The following RUNX1 variants were observed in gnomAD, a reference collection of about 807,000 sequenced individuals.
RUNX1 encodes the protein RUNX family transcription factor 1.
A neutral mutation model predicts 42.8 loss-of-function variants in RUNX1; 19 were observed. That is an observed-to-expected ratio of 0.44 (90% CI 0.31 to 0.65). The LOEUF (loss-of-function observed/expected upper bound fraction) is 0.65. Among genes scored for constraint, RUNX1 ranks in the 30% least tolerant of loss-of-function variants. RUNX1 has a pLI of 0.07. For synonymous variants in RUNX1, 271 were observed against 289.4 expected, an observed-to-expected ratio of 0.94 and a Z score of 0.64; for missense variants, 528 against 672.0, an observed-to-expected ratio of 0.79 and a Z score of 2.37.
chr21:34,975,935 T>C (rs537240244), intron 2 of RUNX1, among the ~76,000 whole-genome samples: 116 of 152,146 alleles, frequency 7.6e-4, no homozygotes, highest in African/African-American at 2.7e-3. Flanking sequence ...GAGACTAAAT[T>C]ATGGAAGGTC....
chr21:34,970,867 T>C (rs2058758975), intron 2 of RUNX1, among the ~76,000 whole-genome samples: 1 of 152,154 alleles, frequency 6.6e-6, no homozygotes, highest in African/African-American at 2.4e-5. Context: ...TTCCTGTACG[T>C]TCAAATTATT....
At chr21:35,009,895 T>C (rs549810312) in intron 2 of RUNX1, among the ~76,000 whole-genome samples, 2 of 152,338 alleles carry the variant, frequency 1.3e-5, no homozygotes, top group South Asian at 4.1e-4. Flanking sequence ...TTCTTATATG[T>C]AAAAGATGAG....
chr21:34,797,160 A>G (rs1341082541), intron 8 of RUNX1, among the ~76,000 whole-genome samples: 1 of 152,222 alleles, frequency 6.6e-6, no homozygotes, highest in Non-Finnish European at 1.5e-5. Flanking sequence ...GCAGTCTCCC[A>G]TACTGTTCTA....
chr21:34,801,200 C>G (rs1253350539), intron 7 of RUNX1, among the ~76,000 whole-genome samples: 1 of 151,944 alleles, frequency 6.6e-6, no homozygotes, highest in East Asian at 1.9e-4. Flanking sequence ...TACTCCAATA[C>G]TTTAATCATT....
At position 34,967,788 on chromosome 21, in the gene RUNX1, C is replaced by A. The variant is rs141551777; in HGVS notation, c.59-74825G>T. On this transcript the variant is annotated intron_variant, in intron 2 of 8. Transcript: ENST00000675419. ...AGAAGACTGACAAAACCACACTGAA[C>A]TCACTAGGGCAACTGCCTTTATTTC... 4.8e-3 allele frequency among the ~76,000 whole-genome samples: 725 copies of A among 152,298 alleles called. 5 individuals carry two copies. The highest frequency in any genetic ancestry group is 0.02 in the Middle Eastern group (6 of 294).
chr21:34,889,979 AGCT>A (rs1276607996), intron 3 of RUNX1: 9 of 476,412 alleles, frequency 1.9e-5, no homozygotes, highest in Non-Finnish European at 2.2e-5. Context: ...CCCTCAATTA[AGCT>A]CCCCGGCGCG....
intron 6 of RUNX1, among the ~76,000 whole-genome samples, chr21:34,841,480 G>A (rs1279418156): frequency 6.6e-6 from 1 of 152,114 alleles, no homozygotes; most frequent in East Asian, 1.9e-4. Context: ...CCCGAACCAT[G>A]GTCCTACAGT....
intron 2 of RUNX1, among the ~76,000 whole-genome samples, chr21:34,930,751 C>T (rs111483720): frequency 0.011 from 1,638 of 151,850 alleles, 27 homozygotes; most frequent in African/African-American, 0.033. Flanking sequence ...ACACTCCACC[C>T]AATTCCTTTC....
chr21:34,799,224 A>C (rs769750582), intron 8 of RUNX1, 77 bp downstream of exon 8: 23 of 1,488,190 alleles, frequency 1.5e-5, no homozygotes, highest in Non-Finnish European at 2.2e-5. Context: ...TGTTCTGCCA[A>C]CTCCTTCATG....
intron 2 of RUNX1, among the ~76,000 whole-genome samples, chr21:34,957,899 G>A (rs2058656128): frequency 6.6e-6 from 1 of 152,166 alleles, no homozygotes; most frequent in African/African-American, 2.4e-5. Flanking sequence ...TATGGGGCAG[G>A]ATGTCTGTCC....
chr21:34,842,820 G>C (rs56381260), intron 6 of RUNX1, among the ~76,000 whole-genome samples: 4,791 of 152,190 alleles, frequency 0.031, 93 homozygotes, highest in African/African-American at 0.055. Flanking sequence ...TGTAATCCCA[G>C]CACTTTGGGA....
At chr21:34,917,594 T>C (rs947087690) in intron 2 of RUNX1, among the ~76,000 whole-genome samples, 2 of 152,166 alleles carry the variant, frequency 1.3e-5, no homozygotes, top group African/African-American at 4.8e-5. Flanking sequence ...TCCCTTGATA[T>C]CTCTCTCATT....
intron 2 of RUNX1, among the ~76,000 whole-genome samples, chr21:34,930,870 T>C (rs1005578719): frequency 6.6e-6 from 1 of 152,166 alleles, no homozygotes; most frequent in Non-Finnish European, 1.5e-5. Flanking sequence ...CCTAGACTTT[T>C]TTTGAAGAAG....
At chr21:34,851,604 T>C (rs1424757730) in intron 6 of RUNX1, among the ~76,000 whole-genome samples, 1 of 152,172 alleles carries the variant, frequency 6.6e-6, no homozygotes, top group Admixed American at 6.5e-5. Context: ...TTTTTTCTTA[T>C]GGCATGTCAT....
intron 6 of RUNX1, among the ~76,000 whole-genome samples, chr21:34,854,472 C>G (rs1461201059): frequency 6.6e-6 from 1 of 151,854 alleles, no homozygotes; most frequent in South Asian, 2.1e-4. Context: ...ATAATCCCAA[C>G]TACTCAGGAG....
At chr21:35,036,248 G>T (rs1487313403) in intron 2 of RUNX1, among the ~76,000 whole-genome samples, 1 of 152,182 alleles carries the variant, frequency 6.6e-6, no homozygotes, top group African/African-American at 2.4e-5. Flanking sequence ...AGAAAAGCAG[G>T]TTCCTTTCCT....
chr21:35,031,408 C>G (rs984961888), intron 2 of RUNX1, among the ~76,000 whole-genome samples: 4 of 151,944 alleles, frequency 2.6e-5, no homozygotes, highest in African/African-American at 9.7e-5. Flanking sequence ...AAAGGGAGCT[C>G]TTGCACACTC....
At position 34,909,588 on chromosome 21, in the gene RUNX1, C is replaced by CAAAAAAAAAAAAAAAAAAAAAA. The variant is rs10584066; in HGVS notation, c.59-16626_59-16625insTTTTTTTTTTTTTTTTTTTTTT. Among the ~76,000 whole-genome samples the CAAAAAAAAAAAAAAAAAAAAAA allele has an allele frequency of 6.5e-4, 49 of 75,016 alleles. 7 individuals are homozygous for CAAAAAAAAAAAAAAAAAAAAAA. The highest frequency in any genetic ancestry group is 2.6e-3 in the African/African-American group (41 of 16,000). The allele number at this position is 75,016 out of a possible 152,430, so 49.2% of individuals were successfully genotyped here. ...TTATACAGACCAGGTCACTGTTCCTCAAAAAAAAAAAAAAAAAAAAGATGG... is the reference window on the plus strand; with the variant it reads ...TTATACAGACCAGGTCACTGTTCCTCAAAAAAAAAAAAAAAAAAAAAAAAAAAAAAAAAAAAAAAAAAGATGG... On this transcript the variant is annotated intron_variant, in intron 2 of 8. Coordinates refer to ENST00000675419, the MANE Select transcript of RUNX1 (RefSeq NM_001754.5).
chr21:34,789,431 A>C lies in RUNX1; in HGVS notation c.*2704T>G, dbSNP rs1380928079. 2 of 233,646 alleles carry C rather than the reference A, an allele frequency of 8.6e-6. No homozygotes were observed. The highest frequency in any genetic ancestry group is 1.7e-5 in the Non-Finnish European group (2 of 118,086). 14.5% of individuals were successfully genotyped at this position (233,646 alleles called of 1,614,324 possible). Reference sequence around the variant, plus strand: ...GAAATCATAAATAGGGACATGAGTAAGCAGTAGAAATGGCTTATTCAATAC... The same window carrying C: ...GAAATCATAAATAGGGACATGAGTACGCAGTAGAAATGGCTTATTCAATAC... On this transcript the variant is annotated 3_prime_UTR_variant, in exon 9 of 9. Coordinates refer to ENST00000675419, the MANE Select transcript of RUNX1 (RefSeq NM_001754.5).
Sources: gnomAD v4.1 joint callset for allele counts (sites outside exome capture counted in the v4.1 genomes callset) on GRCh38, gnomAD v4.1.1 for gene constraint, MANE v1.5 for transcripts, NCBI Gene and HGNC (gene_info 2026-07-23, HGNC 2026-07-21) for gene names.